The following DOCK11 variants were observed in gnomAD, a reference collection of about 807,000 sequenced individuals.
DOCK11 encodes the protein dedicator of cytokinesis 11.
DOCK11 carries 70 observed loss-of-function variants against 169.1 expected under a neutral mutation model. The ratio of observed to expected loss-of-function variants is 0.41; its 90% CI spans 0.34 to 0.51. The LOEUF is 0.51. Ranked by LOEUF, DOCK11 falls within the 20% of genes least tolerant of loss-of-function variation. The pLI is 0.10. For synonymous variants in DOCK11, 529 were observed against 541.3 expected (o/e 0.98, Z 0.32); for missense variants, 1,166 against 1,538.8 (o/e 0.76, Z 4.05).
chrX:118,543,493 A>G lies in DOCK11; in HGVS notation c.310-18A>G. The G allele has an allele frequency of 8.7e-7, 1 of 1,153,523 alleles. No individual in the cohort carries two copies. The highest frequency in any genetic ancestry group is 1.2e-6 in the Non-Finnish European group (1 of 843,910). On this transcript the variant is annotated intron_variant, in intron 3 of 52. Coordinates refer to ENST00000276202, the MANE Select transcript of DOCK11 (RefSeq NM_144658.4). The stretch of plus-strand genomic sequence containing the variant: ...ACTTTTCCTATATTTCAAATTCAAG[A>G]TTCCTATTTTCTTTCAGTGTATTAA...
intron 32 of DOCK11, among the ~76,000 whole-genome samples, chrX:118,626,428 T>C (rs760378905): frequency 2.4e-4 from 27 of 111,450 alleles, no homozygotes; most frequent in Non-Finnish European, 3.2e-4. Flanking sequence ...AGTTTACCAG[T>C]AACCCTATTA....
intron 31 of DOCK11, among the ~76,000 whole-genome samples, chrX:118,621,950 T>A (rs2014986143): frequency 1.8e-5 from 2 of 111,571 alleles, no homozygotes; most frequent in Admixed American, 1.9e-4. Context: ...TCTCTTGTTA[T>A]AATTACCATG....
chrX:118,685,999 G>T lies in DOCK11; in HGVS notation c.*192G>T. ...AAAGTGCCTGGAAAATTGCACCACT[G>T]TGCTTGGTTTGTACTTTTTTAGGTA... On this transcript the variant is annotated 3_prime_UTR_variant, in exon 53 of 53. Coordinates refer to ENST00000276202, the MANE Select transcript of DOCK11 (RefSeq NM_144658.4). 2.2e-6 allele frequency: 1 copy of T among 448,282 alleles called. No homozygotes were observed. Among genetic ancestry groups the T allele is most frequent in the Non-Finnish European group, 3.5e-6 (1 of 287,055 alleles). 36.9% of individuals were successfully genotyped at this position (448,282 alleles called of 1,213,427 possible).
chrX:118,599,265 T>C lies in DOCK11; in HGVS notation c.2562+37T>C, dbSNP rs186781254. On this transcript the variant is annotated intron_variant, in intron 23 of 52. Transcript: ENST00000276202. ...GCAGCTTTCTGCAAAACGTTTGTTT[T>C]TCATGTCTTTCTGTTGCCACATTTT... The C allele has an allele frequency of 7.3e-4, 754 of 1,029,881 alleles. 2 individuals are homozygous for C. In the African/African-American group the frequency reaches 0.013, roughly 18 times the overall value. The allele number at this position is 1,029,881 out of a possible 1,213,427, so 84.9% of individuals were successfully genotyped here.
At position 118,681,165 on chromosome X, in the gene DOCK11, G is replaced by A. The variant is rs140677792; in HGVS notation, c.5779G>A (p.Ala1927Thr). The stretch of plus-strand genomic sequence containing the variant: ...CACTGATGAAATAAAAGATAAAACT[G>A]CAGAGCTGCAAAAGCTTTGCTCCTC... ...VATDEIKDKT[A>T]ELQKLCSSTD... Residue 1927 changes from alanine (A) to threonine (T), a missense_variant, in exon 50 of 53, where the codon GCA becomes ACA. Transcript: ENST00000276202. 1 of 1,206,830 alleles carries A rather than the reference G, an allele frequency of 8.3e-7. No homozygotes were observed. The highest frequency in any genetic ancestry group is 2.2e-5 in the Admixed American group (1 of 45,238).
intron 1 of DOCK11, among the ~76,000 whole-genome samples, chrX:118,528,769 T>G (rs1380744382): frequency 1.2e-5 from 1 of 85,654 alleles, no homozygotes; most frequent in African/African-American, 4.9e-5. Context: ...TGGGAAGAGG[T>G]AAGAAAATGT....
intron 12 of DOCK11, among the ~76,000 whole-genome samples, chrX:118,576,271 G>GT (rs754009624): frequency 9.0e-6 from 1 of 111,572 alleles, no homozygotes; most frequent in Non-Finnish European, 1.9e-5. Context: ...AGCAAAGTGG[G>GT]TAAGAGTCGC....
intron 1 of DOCK11, among the ~76,000 whole-genome samples, chrX:118,534,566 G>C (rs1175303443): frequency 8.9e-6 from 1 of 112,085 alleles, no homozygotes; most frequent in Non-Finnish European, 1.9e-5. Flanking sequence ...TTCTATGTTA[G>C]ATTTAAAGGC....
chrX:118,531,444 A>C lies in DOCK11; in HGVS notation c.103-11281A>C, dbSNP rs1469713430. 4.1e-4 allele frequency among the ~76,000 whole-genome samples: 37 copies of C among 89,999 alleles called. No homozygotes were observed. In the East Asian group the frequency reaches 8.4e-3, roughly 20 times the overall value. The allele number at this position is 89,999 out of a possible 115,157, so 78.2% of individuals were successfully genotyped here. A position where few individuals can be genotyped will look rare whatever the true frequency, so the allele number is the denominator to read the frequency against. Reference sequence around the variant, plus strand: ...AAAAAAAAAAAAAAAAAAAAAAAAAAAAAAAAACAGGAAGTGAAGCTGAGT... The same window carrying C: ...AAAAAAAAAAAAAAAAAAAAAAAAACAAAAAAACAGGAAGTGAAGCTGAGT... On this transcript the variant is annotated intron_variant, in intron 1 of 52. Transcript: ENST00000276202.
At chrX:118,669,034 G>A (rs1248856977) in intron 45 of DOCK11, among the ~76,000 whole-genome samples, 4 of 111,924 alleles carry the variant, frequency 3.6e-5, no homozygotes, top group Admixed American at 1.9e-4. Flanking sequence ...GAGCGTGTCC[G>A]TTGTTCTGTG....
At chrX:118,621,650 T>G (rs1390852140) in intron 31 of DOCK11, among the ~76,000 whole-genome samples, 4 of 111,103 alleles carry the variant, frequency 3.6e-5, no homozygotes, top group Admixed American at 9.6e-5. Flanking sequence ...TCTTTTTTTT[T>G]TGTGACGGAG....
At chrX:118,647,670 AT>A (rs1205727811) in intron 40 of DOCK11, among the ~76,000 whole-genome samples, 2 of 42,458 alleles carry the variant, frequency 4.7e-5, no homozygotes, top group East Asian at 1.0e-3. Context: ...TATATTAATA[AT>A]TATTATATAA....
At chrX:118,500,763 G>A (rs1202267244) in intron 1 of DOCK11, among the ~76,000 whole-genome samples, 1 of 110,496 alleles carries the variant, frequency 9.1e-6, no homozygotes, top group African/African-American at 3.3e-5. Context: ...TGGGACTGCA[G>A]GCAAACGCCA....
At chrX:118,572,834 G>C (rs1296583414) in intron 11 of DOCK11, among the ~76,000 whole-genome samples, 1 of 111,657 alleles carries the variant, frequency 9.0e-6, no homozygotes, top group African/African-American at 3.3e-5. Flanking sequence ...AGCAGATAGA[G>C]TAGGCTCTTG....
intron 1 of DOCK11, among the ~76,000 whole-genome samples, chrX:118,505,645 G>A (rs776900992): frequency 5.3e-5 from 6 of 112,164 alleles, no homozygotes; most frequent in African/African-American, 9.7e-5. Flanking sequence ...GCCAATACCC[G>A]TTCCCAGTCT....
intron 46 of DOCK11, among the ~76,000 whole-genome samples, chrX:118,673,000 A>G (rs1175753590): frequency 8.9e-6 from 1 of 111,868 alleles, no homozygotes; most frequent in Non-Finnish European, 1.9e-5. Flanking sequence ...CAGATGGCAA[A>G]GAATAGCCTA....
At position 118,649,840 on chromosome X, in the gene DOCK11, C is replaced by A. The variant is rs184151771; in HGVS notation, c.4581+713C>A. Among the ~76,000 whole-genome samples the A allele has an allele frequency of 4.0e-3, 450 of 111,649 alleles. 2 individuals are homozygous for A. The highest frequency in any genetic ancestry group is 0.014 in the African/African-American group (434 of 30,751). ...TCTAGTTTAAATTTGAGGACTGCCACATACTATGTGACCTGGAGCAAGTTA... is the reference window on the plus strand; with the variant it reads ...TCTAGTTTAAATTTGAGGACTGCCAAATACTATGTGACCTGGAGCAAGTTA... On this transcript the variant is annotated intron_variant, in intron 41 of 52. Transcript: ENST00000276202.
At chrX:118,508,631 C>T (rs1054637855) in intron 1 of DOCK11, among the ~76,000 whole-genome samples, 4 of 111,133 alleles carry the variant, frequency 3.6e-5, no homozygotes, top group African/African-American at 1.3e-4. Flanking sequence ...TTTCAAAGCT[C>T]ACAGGGGCCA....
intron 1 of DOCK11, among the ~76,000 whole-genome samples, chrX:118,517,398 T>G (rs766616192): frequency 9.4e-6 from 1 of 106,604 alleles, no homozygotes; most frequent in South Asian, 4.3e-4. Context: ...AAAAGAAAAA[T>G]AAAATAAATA....
Sources: allele counts gnomAD v4.1 joint callset (sites outside exome capture counted in the v4.1 genomes callset), GRCh38; gene constraint gnomAD v4.1.1; transcripts MANE v1.5; gene names NCBI Gene and HGNC (gene_info 2026-07-23, HGNC 2026-07-21).